AGK: variants seen among roughly 807,000 people sequenced by gnomAD.
AGK encodes acylglycerol kinase.
In AGK, 52 loss-of-function variants were observed where a neutral mutation model predicts 66.4. The observed-to-expected ratio is 0.78, with a 90% CI of 0.63 to 0.99. The LOEUF is 0.99. Ranked by LOEUF, AGK falls within the 50% of genes least tolerant of loss-of-function variation. The probability of loss-of-function intolerance (pLI) is 0.00; values close to 1 mark genes in which losing one functional copy is unlikely to be tolerated. For missense variants in AGK, 451 were observed against 506.6 expected (o/e 0.89, Z 1.05); for synonymous variants, 182 against 181.1 (o/e 1.00, Z -0.04).
chr7:141,606,803 T>TA (rs1352214942), intron 5 of AGK, among the ~76,000 whole-genome samples: 40 of 152,184 alleles, frequency 2.6e-4, no homozygotes, highest in Admixed American at 2.6e-3. Context: ...TTCACTGTCC[T>TA]AAAAATCCTC....
intron 2 of AGK, among the ~76,000 whole-genome samples, chr7:141,576,664 G>T (rs755862706): frequency 7.3e-5 from 11 of 150,500 alleles, no homozygotes; most frequent in Non-Finnish European, 1.6e-4. Context: ...CCTTAAAATG[G>T]AGAATCAAAG....
At chr7:141,567,572 G>GACTGCTCTCAACTGGA (rs1271580653) in intron 2 of AGK, among the ~76,000 whole-genome samples, 1 of 152,176 alleles carries the variant, frequency 6.6e-6, no homozygotes, top group Non-Finnish European at 1.5e-5. Flanking sequence ...GAGCAGCAGG[G>GACTGCTCTCAACTGGA]ACTGCTCTCA....
rs926438934 is a variant in AGK at position 141,655,156 on chromosome 7, AATC to A, written c.*2235_*2237del. 4 of 152,244 alleles carry A rather than the reference AATC, an allele frequency of 2.6e-5. No individual in the cohort carries two copies. Among genetic ancestry groups the A allele is most frequent in the Admixed American group, 6.5e-5 (1 of 15,290 alleles). 9.4% of individuals were successfully genotyped at this position (152,244 alleles called of 1,614,324 possible). A position where few individuals can be genotyped will look rare whatever the true frequency, so the allele number is the denominator to read the frequency against. On this transcript the variant is annotated 3_prime_UTR_variant, in exon 16 of 16. Coordinates refer to ENST00000649286, the MANE Select transcript of AGK (RefSeq NM_018238.4). The stretch of plus-strand genomic sequence containing the variant: ...TTATGTGTGCTCATTTTGTGGTTCT[AATC>A]ATAATGGTACATATAATTAGGGAAG...
At chr7:141,628,031 G>A (rs1440752581) in intron 9 of AGK, among the ~76,000 whole-genome samples, 1 of 152,158 alleles carries the variant, frequency 6.6e-6, no homozygotes, top group Non-Finnish European at 1.5e-5. Flanking sequence ...ACAGGCGCAT[G>A]CCACCACACC....
chr7:141,652,844 G>A lies in AGK; in HGVS notation c.1189G>A (p.Val397Met), dbSNP rs367862146. ...GGAGTATGAAGCGATGCCTGTGGAG[G>A]TGAAACTGCTCCCCAGGAAGCTGCA... ...SEEYEAMPVE[V>M]KLLPRKLQFF... The change falls in exon 16 of 16, where the codon GTG (valine) becomes ATG (methionine). Residue 397 changes from valine (V) to methionine (M), a missense_variant. By Grantham distance (21) the Val-to-Met change is conservative. Transcript: ENST00000649286. 47 of 1,613,862 alleles carry A rather than the reference G, an allele frequency of 2.9e-5. No homozygotes were observed. In the Middle Eastern group the frequency reaches 6.6e-4, roughly 23 times the overall value.
intron 6 of AGK, among the ~76,000 whole-genome samples, chr7:141,611,668 T>C (rs1239511681): frequency 1.3e-5 from 2 of 152,232 alleles, no homozygotes; most frequent in Admixed American, 6.5e-5. Context: ...TAAACAGATA[T>C]TCAGCTATCC....
intron 2 of AGK, among the ~76,000 whole-genome samples, chr7:141,584,392 A>G (rs974898150): frequency 1.3e-3 from 196 of 152,286 alleles, no homozygotes; most frequent in Non-Finnish European, 2.5e-3. Flanking sequence ...ACGCATATAC[A>G]TGCAGGTCAC....
intron 13 of AGK, 68 bp from the exon 14 acceptor site, chr7:141,649,195 G>T: frequency 1.1e-6 from 1 of 944,076 alleles, no homozygotes; most frequent in South Asian, 1.3e-5. Flanking sequence ...CATCAAAGCT[G>T]AGGATGACAA....
At chr7:141,563,937 G>C (rs371910614) in intron 2 of AGK, among the ~76,000 whole-genome samples, 2 of 151,768 alleles carry the variant, frequency 1.3e-5, no homozygotes. Flanking sequence ...ATTTCCTCTC[G>C]TTTTCACAAC....
chr7:141,595,498 T>G (rs1331403058), intron 3 of AGK, among the ~76,000 whole-genome samples: 2 of 152,174 alleles, frequency 1.3e-5, no homozygotes, highest in African/African-American at 2.4e-5. Context: ...AAGCAAGCAA[T>G]AGACAATAAT....
At position 141,653,490 on chromosome 7, in the gene AGK, T is replaced by C. The variant is rs1297453757; in HGVS notation, c.*566T>C. Reference sequence around the variant, plus strand: ...ACCGGAAAATGCTAGTTTTTATTTATTTTTTTAAGTAGTGCTTCCTAAATG... The same window carrying C: ...ACCGGAAAATGCTAGTTTTTATTTACTTTTTTAAGTAGTGCTTCCTAAATG... On this transcript the variant is annotated 3_prime_UTR_variant, in exon 16 of 16. Transcript: ENST00000649286. The C allele has an allele frequency of 6.6e-6, 1 of 152,334 alleles. No homozygotes were observed. The allele number at this position is 152,334 out of a possible 1,614,324, so 9.4% of individuals were successfully genotyped here. A position where few individuals can be genotyped will look rare whatever the true frequency, so the allele number is the denominator to read the frequency against.
At chr7:141,560,852 A>G (rs71545327) in intron 2 of AGK, among the ~76,000 whole-genome samples, 7,535 of 140,576 alleles carry the variant, frequency 0.054, 330 homozygotes, top group South Asian at 0.15. Context: ...GCTGGAGTGC[A>G]GTGGCACGAT....
At chr7:141,633,160 G>T (rs2116996677) in intron 9 of AGK, among the ~76,000 whole-genome samples, 1 of 152,256 alleles carries the variant, frequency 6.6e-6, no homozygotes, top group South Asian at 2.1e-4. Context: ...TGGGGGCACT[G>T]GGTGCCTGTC....
At chr7:141,631,125 T>G (rs903746819) in intron 9 of AGK, among the ~76,000 whole-genome samples, 1 of 152,212 alleles carries the variant, frequency 6.6e-6, no homozygotes, top group African/African-American at 2.4e-5. Context: ...TTCTGTCACC[T>G]CATTTTATGA....
intron 10 of AGK, among the ~76,000 whole-genome samples, chr7:141,635,846 T>G (rs563945089): frequency 6.6e-6 from 1 of 152,198 alleles, no homozygotes; most frequent in African/African-American, 2.4e-5. Flanking sequence ...AGTCATTCAT[T>G]GTTTGCTTTT....
intron 2 of AGK, among the ~76,000 whole-genome samples, chr7:141,580,424 T>TG (rs1229528117): frequency 2.0e-5 from 3 of 151,526 alleles, no homozygotes; most frequent in Non-Finnish European, 4.4e-5. Flanking sequence ...GGAAATTGGG[T>TG]GAATGTCAGG....
Position 141,654,148 on chromosome 7 carries a change from TCTTG to T in AGK, c.*1228_*1231del, listed in dbSNP as rs1797631770. The T allele has an allele frequency of 1.3e-5, 2 of 152,180 alleles. No individual in the cohort carries two copies. The highest frequency in any genetic ancestry group is 2.4e-5 in the African/African-American group (1 of 41,420). 9.4% of individuals were successfully genotyped at this position (152,180 alleles called of 1,614,324 possible). A position where few individuals can be genotyped will look rare whatever the true frequency, so the allele number is the denominator to read the frequency against. On this transcript the variant is annotated 3_prime_UTR_variant, in exon 16 of 16. Coordinates refer to ENST00000649286, the MANE Select transcript of AGK (RefSeq NM_018238.4). Reference sequence around the variant, plus strand: ...TATAAATGGAAATTTTTTTTTTAGCTCTTGCTTTAAGTGTTTGTTTGTTATCTCA... The same window carrying T: ...TATAAATGGAAATTTTTTTTTTAGCTCTTTAAGTGTTTGTTTGTTATCTCA...
intron 13 of AGK, among the ~76,000 whole-genome samples, chr7:141,647,166 C>G (rs1797432192): frequency 6.8e-6 from 1 of 146,544 alleles, no homozygotes; most frequent in Admixed American, 6.9e-5. Context: ...ACACATTTAT[C>G]TATAATGTTA....
chr7:141,567,480 C>T (rs1291603036), intron 2 of AGK, among the ~76,000 whole-genome samples: 1 of 151,714 alleles, frequency 6.6e-6, no homozygotes, highest in Non-Finnish European at 1.5e-5. Flanking sequence ...TTCTCCCTTC[C>T]CCCAAGTTTC....
Sources: allele counts gnomAD v4.1 joint callset (sites outside exome capture counted in the v4.1 genomes callset), GRCh38; gene constraint gnomAD v4.1.1; transcripts MANE v1.5; gene names NCBI Gene and HGNC (gene_info 2026-07-23, HGNC 2026-07-21).